CEP290: variants seen among roughly 807,000 people sequenced by gnomAD.
CEP290 encodes the protein centrosomal protein 290.
In CEP290, 317 loss-of-function variants were observed where a neutral mutation model predicts 344.9. The observed-to-expected ratio is 0.92, with a 90% confidence interval of 0.84 to 1.01. CEP290 has a LOEUF of 1.01. CEP290 is among the 50% of genes least tolerant of loss of function. The probability of loss-of-function intolerance (pLI) is 0.00; values close to 1 mark genes in which losing one functional copy is unlikely to be tolerated. For missense variants in CEP290, 2,754 were observed against 2,761.4 expected (o/e 1.00, Z 0.06); for synonymous variants, 932 against 895.8 (o/e 1.04, Z -0.72).
Position 88,107,111 on chromosome 12 carries a change from C to A in CEP290, c.2484-13G>T. 1 of 1,440,678 alleles carries A rather than the reference C, an allele frequency of 6.9e-7. No homozygotes were observed. Among genetic ancestry groups the A allele is most frequent in the South Asian group, 1.3e-5 (1 of 75,298 alleles). 89.2% of individuals were successfully genotyped at this position (1,440,678 alleles called of 1,614,324 possible). A position where few individuals can be genotyped will look rare whatever the true frequency, so the allele number is the denominator to read the frequency against. ...GGTCTCCTTTTCACTAAAAACAAAA[C>A]AAAACAAAAAGACAATACTGTAAAC... On this transcript the variant is annotated splice_polypyrimidine_tract_variant and intron_variant, in intron 23 of 53. Transcript: ENST00000552810.
At chr12:88,073,048 CT>C (rs1180850930) in intron 41 of CEP290, among the ~76,000 whole-genome samples, 1 of 152,108 alleles carries the variant, frequency 6.6e-6, no homozygotes. Context: ...GCAGAATAGT[CT>C]CATGCACTGA....
chr12:88,108,896 T>G (rs2038477153), intron 23 of CEP290, among the ~76,000 whole-genome samples, 170 bp downstream of exon 23: 1 of 152,028 alleles, frequency 6.6e-6, no homozygotes, highest in African/African-American at 2.4e-5. Flanking sequence ...ATCATTAAGC[T>G]ACACTGTCTC....
At chr12:88,062,947 C>A (rs1482350232) in intron 45 of CEP290, among the ~76,000 whole-genome samples, 169 bp from the exon 46 acceptor site, 2 of 152,004 alleles carry the variant, frequency 1.3e-5, no homozygotes, top group African/African-American at 2.4e-5. Context: ...TAAATTAATA[C>A]AAGAATATTG....
rs863225186 is a variant in CEP290 at position 88,118,642 on chromosome 12, C to T, written c.1623+1G>A. 21 of 1,612,684 alleles carry T rather than the reference C, an allele frequency of 1.3e-5. No homozygotes were observed. The highest frequency in any genetic ancestry group is 1.7e-5 in the Non-Finnish European group (20 of 1,178,986). ...AATAATCAACTGACTACCACACTTG[C>T]CTCTTTCAAAAGAATCTGGTTTTCA... On this transcript the variant is annotated splice_donor_variant, in intron 16 of 53. Transcript: ENST00000552810. LOFTEE classifies it high-confidence loss of function.
rs2035851225 is a variant in CEP290, at chr12:88,077,297, T to C, written c.5634A>G (p.Gln1878=). ...GGTTCTCTAGTTTTTTAACTTTCCT[T>C]TGGAGTTCTTCAATTAGACTTTGTT... ...DNKQSLIEEL[Q]RKVKKLENQL... is the part of the protein sequence containing the mutation. The change falls in exon 41 of 54, where the codon CAA becomes CAG. Residue 1878 remains glutamine, a synonymous_variant. Coordinates refer to ENST00000552810, the MANE Select transcript of CEP290 (RefSeq NM_025114.4). 3 of 1,597,668 alleles carry C rather than the reference T, an allele frequency of 1.9e-6. No individual in the cohort carries two copies. The South Asian group carries it at 3.4e-5, about 18-fold the overall frequency.
intron 49 of CEP290, among the ~76,000 whole-genome samples, chr12:88,057,472 T>G (rs1386100449): frequency 6.6e-6 from 1 of 152,344 alleles, no homozygotes; most frequent in Middle Eastern, 3.4e-3. Context: ...CTGACAGGAC[T>G]GCTGGCTCAG....
intron 6 of CEP290, among the ~76,000 whole-genome samples, 186 bp from the exon 7 acceptor site, chr12:88,131,404 T>C (rs536515995): frequency 2.2e-4 from 33 of 151,900 alleles, no homozygotes; most frequent in Admixed American, 1.9e-3. Context: ...CTGGAATTAC[T>C]GGCATGCATT....
intron 35 of CEP290, among the ~76,000 whole-genome samples, chr12:88,084,362 C>T (rs1429281662): frequency 1.3e-5 from 2 of 152,072 alleles, no homozygotes; most frequent in Admixed American, 6.6e-5. Context: ...ATGATTTCAC[C>T]ATGATAGCTA....
chr12:88,100,284 CA>C (rs1483809333), intron 26 of CEP290, among the ~76,000 whole-genome samples: 2 of 151,502 alleles, frequency 1.3e-5, no homozygotes, highest in African/African-American at 4.8e-5. Context: ...AAAAAAACAA[CA>C]AAAAAAGAAT....
chr12:88,129,076 G>A (rs770836062), intron 10 of CEP290, 41 bp from the exon 11 acceptor site: 13 of 1,200,094 alleles, frequency 1.1e-5, no homozygotes, highest in Middle Eastern at 2.0e-4. Context: ...GCAAACTGAT[G>A]TAACATATAT....
chr12:88,136,588 T>G, intron 6 of CEP290, 55 bp downstream of exon 6: 1 of 1,551,472 alleles, frequency 6.4e-7, no homozygotes, highest in Non-Finnish European at 8.9e-7. Flanking sequence ...CCAATAATAA[T>G]AAAAAGCCAG....
chr12:88,115,289 CA>C (rs571451215), intron 18 of CEP290, 107 bp from the exon 19 acceptor site: 13 of 717,482 alleles, frequency 1.8e-5, no homozygotes, highest in Middle Eastern at 2.5e-4. Context: ...CAAAACAAAA[CA>C]AAAAAAACGA....
At chr12:88,076,784 G>A (rs2035809238) in intron 41 of CEP290, among the ~76,000 whole-genome samples, 1 of 152,006 alleles carries the variant, frequency 6.6e-6, no homozygotes, top group African/African-American at 2.4e-5. Context: ...TAACAGCCTA[G>A]TCTCCTGAAG....
intron 17 of CEP290, among the ~76,000 whole-genome samples, chr12:88,117,572 TG>T (rs1469900369): frequency 6.6e-6 from 1 of 152,144 alleles, no homozygotes; most frequent in East Asian, 1.9e-4. Context: ...TATACGTGCT[TG>T]GGGATTTGGG....
chr12:88,050,409 AT>A lies in CEP290; in HGVS notation c.7153del (p.Ile2385Ter), dbSNP rs781310385. ...TTTGAGCTGTGTCTCTAGATCTTTT[AT>A]TTTTTCCTTTAGTTGATCAGCATCT... The part of the protein sequence containing the change: ...IPDADQLKEK[I>X]KDLETQLKMS... On this transcript the variant is annotated frameshift_variant, in exon 53 of 54. Transcript: ENST00000552810. LOFTEE classifies it high-confidence loss of function. 1.8e-5 allele frequency: 28 copies of A among 1,560,756 alleles called. No individual in the cohort carries two copies. Among genetic ancestry groups the A allele is most frequent in the Non-Finnish European group, 2.3e-5 (26 of 1,142,410 alleles).
intron 13 of CEP290, among the ~76,000 whole-genome samples, chr12:88,121,774 T>TCAGGAACC (rs1296148117): frequency 2.6e-5 from 4 of 152,268 alleles, no homozygotes; most frequent in South Asian, 2.1e-4. Context: ...GGGTTCCTGA[T>TCAGGAACC]AGGGGATATT....
At chr12:88,106,567 TA>T in intron 25 of CEP290, 107 bp downstream of exon 25, 1 of 676,904 alleles carries the variant, frequency 1.5e-6, no homozygotes, top group Non-Finnish European at 2.3e-6. Flanking sequence ...AAAATGTTAA[TA>T]AATGTTAACT....
intron 47 of CEP290, 63 bp from the exon 48 acceptor site, chr12:88,060,083 CTT>C (rs2034351694): frequency 7.8e-7 from 1 of 1,277,242 alleles, no homozygotes; most frequent in African/African-American, 1.5e-5. Context: ...AAAAGATAAT[CTT>C]ATAAACTCAT....
intron 34 of CEP290, among the ~76,000 whole-genome samples, chr12:88,085,403 T>C (rs750156199): frequency 2.0e-4 from 30 of 152,236 alleles, no homozygotes; most frequent in Admixed American, 9.8e-4. Context: ...TTCACATAAA[T>C]GACAAATCTT....
Sources: allele counts gnomAD v4.1 joint callset (sites outside exome capture counted in the v4.1 genomes callset), GRCh38; gene constraint gnomAD v4.1.1; transcripts MANE v1.5; gene names NCBI Gene and HGNC (gene_info 2026-07-23, HGNC 2026-07-21).